Variants in ATG16L1 observed in about 807,000 individuals in gnomAD.
ATG16L1 encodes the protein autophagy related 16 like 1, also known as autophagy-related protein 16-1.
A neutral mutation model predicts 88.5 loss-of-function variants in ATG16L1; 37 were observed. The observed-to-expected ratio is 0.42, with a 90% confidence interval of 0.32 to 0.55. ATG16L1 has a LOEUF of 0.55. Ranked by LOEUF, ATG16L1 falls within the 20% of genes least tolerant of loss-of-function variation. The pLI is 0.13. For missense variants in ATG16L1, 554 were observed against 752.8 expected (o/e 0.74, Z 3.09); for synonymous variants, 301 against 281.0 (o/e 1.07, Z -0.71).
rs1172353382 is a variant in ATG16L1 at position 233,251,955 on chromosome 2, G to T, written c.115+13G>T. ...ATCATCCTGCAGTGTGAGCGGCGCC[G>T]GTGCGGGCTGGGAGTGGGGCGGGCG... On this transcript the variant is annotated intron_variant, in intron 1 of 17. Coordinates refer to ENST00000392017, the MANE Select transcript of ATG16L1 (RefSeq NM_030803.7). 11 of 1,532,934 alleles carry T rather than the reference G, an allele frequency of 7.2e-6. No individual in the cohort carries two copies. In the East Asian group the frequency reaches 2.8e-4, roughly 39 times the overall value. 95.0% of individuals were successfully genotyped at this position (1,532,934 alleles called of 1,614,324 possible). A position where few individuals can be genotyped will look rare whatever the true frequency, so the allele number is the denominator to read the frequency against.
At position 233,264,931 on chromosome 2, in the gene ATG16L1, G is replaced by C. The variant is rs762642617; in HGVS notation, c.429G>C (p.Thr143=). 6.2e-7 allele frequency: 1 copy of C among 1,614,044 alleles called. No homozygotes were observed. Among genetic ancestry groups the C allele is most frequent in the South Asian group, 1.1e-5 (1 of 91,080 alleles). ...ECLQTISDLE[T]ECLDLRTKLC... ...TGCAGACTATCTCTGACCTGGAGAC[G>C]GAGTGCCTAGACCTGCGCACTAAGC... The change falls in exon 5 of 18, where the codon ACG becomes ACC. Residue 143 remains threonine (T), a synonymous_variant. Transcript: ENST00000392017.
intron 12 of ATG16L1, among the ~76,000 whole-genome samples, chr2:233,285,654 G>A (rs1016408357): frequency 6.6e-6 from 1 of 152,210 alleles, no homozygotes; most frequent in African/African-American, 2.4e-5. Context: ...CAGATTCCCT[G>A]CACCCAGAGA....
Position 233,264,949 on chromosome 2 carries a change from C to T in ATG16L1, c.447C>T (p.Arg149=). ...TGGAGACGGAGTGCCTAGACCTGCG[C>T]ACTAAGCTTTGTGACCTTGAAAGAG... ...SDLETECLDL[R]TKLCDLERAN... is the part of the protein sequence containing the mutation. Residue 149 remains arginine (R), a synonymous_variant, in exon 5 of 18, where the codon CGC becomes CGT. Coordinates refer to ENST00000392017, the MANE Select transcript of ATG16L1 (RefSeq NM_030803.7). 26 of 1,614,092 alleles carry T rather than the reference C, an allele frequency of 1.6e-5. No individual in the cohort carries two copies. Among genetic ancestry groups the T allele is most frequent in the Non-Finnish European group, 2.2e-5 (26 of 1,179,960 alleles).
At chr2:233,282,657 G>C (rs772865346) in intron 11 of ATG16L1, 25 bp from the exon 12 acceptor site, 10 of 1,610,286 alleles carry the variant, frequency 6.2e-6, no homozygotes, top group Non-Finnish European at 8.5e-6. Flanking sequence ...CTAAAAATTG[G>C]TTTTCCTCTT....
At chr2:233,251,963 C>T in intron 1 of ATG16L1, 21 bp downstream of exon 1, 1 of 1,518,024 alleles carries the variant, frequency 6.6e-7, no homozygotes, top group East Asian at 2.6e-5. Context: ...CCGGTGCGGG[C>T]TGGGAGTGGG....
chr2:233,286,032 T>C (rs2125283666), intron 12 of ATG16L1, among the ~76,000 whole-genome samples: 1 of 152,266 alleles, frequency 6.6e-6, no homozygotes, highest in East Asian at 1.9e-4. Context: ...CTTGAGAAAC[T>C]TGCTTGAGAA....
At chr2:233,257,448 G>A (rs1696871475) in intron 2 of ATG16L1, among the ~76,000 whole-genome samples, 1 of 152,174 alleles carries the variant, frequency 6.6e-6, no homozygotes, top group African/African-American at 2.4e-5. Context: ...TCAATAAATT[G>A]CATGAGATAT....
chr2:233,277,075 G>A (rs1212736030), intron 9 of ATG16L1: 1 of 152,808 alleles, frequency 6.5e-6, no homozygotes, highest in African/African-American at 2.4e-5. Flanking sequence ...ACAGATTGAT[G>A]TTTTTGCCAT....
intron 16 of ATG16L1, 127 bp downstream of exon 16, chr2:233,292,561 T>TAA: frequency 8.8e-7 from 1 of 1,140,084 alleles, no homozygotes. Flanking sequence ...AGTGTGCCTG[T>TAA]AAGTTCATAA....
intron 2 of ATG16L1, among the ~76,000 whole-genome samples, chr2:233,261,364 C>T (rs566930709): frequency 5.4e-4 from 82 of 152,264 alleles, no homozygotes; most frequent in African/African-American, 1.9e-3. Context: ...GCCAGGGCAA[C>T]ATAGTGAGAT....
intron 5 of ATG16L1, among the ~76,000 whole-genome samples, chr2:233,265,607 T>C (rs1697511497): frequency 6.6e-6 from 1 of 152,102 alleles, no homozygotes; most frequent in South Asian, 2.1e-4. Context: ...GTAGCTGGGA[T>C]TACAGGCATA....
chr2:233,279,535 A>G (rs1406213942), intron 10 of ATG16L1, among the ~76,000 whole-genome samples: 3 of 152,224 alleles, frequency 2.0e-5, no homozygotes, highest in Admixed American at 6.5e-5. Flanking sequence ...GTTTCAGTCT[A>G]CAAGATTTTT....
At chr2:233,279,638 T>G (rs1223533905) in intron 10 of ATG16L1, among the ~76,000 whole-genome samples, 2 of 152,206 alleles carry the variant, frequency 1.3e-5, no homozygotes, top group African/African-American at 2.4e-5. Flanking sequence ...TTTTTCATCC[T>G]TTTAGATTAT....
At chr2:233,292,356 C>A (rs1699518279) in intron 15 of ATG16L1, 31 bp from the exon 16 acceptor site, 1 of 1,614,184 alleles carries the variant, frequency 6.2e-7, no homozygotes, top group East Asian at 2.2e-5. Flanking sequence ...CCTGAGCTCC[C>A]TCAGTGACAG....
At chr2:233,274,973 C>T (rs1403532287) in intron 9 of ATG16L1, among the ~76,000 whole-genome samples, 195 bp downstream of exon 9, 2 of 152,168 alleles carry the variant, frequency 1.3e-5, no homozygotes, top group Non-Finnish European at 2.9e-5. Flanking sequence ...TTGTTACAAC[C>T]ATCCTCTGTA....
chr2:233,266,246 C>T (rs1269580277), intron 5 of ATG16L1: 1 of 152,160 alleles, frequency 6.6e-6, no homozygotes, highest in Non-Finnish European at 1.5e-5. Context: ...TCGCTTGAAA[C>T]CAGGAGTTTC....
At chr2:233,281,007 C>A in intron 10 of ATG16L1, 98 bp from the exon 11 acceptor site, 1 of 684,692 alleles carries the variant, frequency 1.5e-6, no homozygotes. Context: ...ATTGTTTTAG[C>A]AGTGTAATTG....
rs997986739 is a variant in ATG16L1, at chr2:233,270,284, G to A, written c.707+217G>A. ...AAGAAAAATGTTAAAGGAAGAAAAT[G>A]AAAACATACAGTTCTTCCACCACTC... On this transcript the variant is annotated intron_variant, in intron 6 of 17. Coordinates refer to ENST00000392017, the MANE Select transcript of ATG16L1 (RefSeq NM_030803.7). 7.9e-5 allele frequency among the ~76,000 whole-genome samples: 12 copies of A among 152,054 alleles called. 1 individual carries two copies. Among genetic ancestry groups the A allele is most frequent in the Non-Finnish European group, 1.5e-5 (1 of 68,004 alleles).
At chr2:233,284,239 C>G (rs911504786) in intron 12 of ATG16L1, among the ~76,000 whole-genome samples, 9 of 152,050 alleles carry the variant, frequency 5.9e-5, no homozygotes, top group Non-Finnish European at 8.8e-5. Context: ...ACCTCTGCCT[C>G]CCAGGTTCAA....
Sources: allele counts gnomAD v4.1 joint callset (sites outside exome capture counted in the v4.1 genomes callset), GRCh38; gene constraint gnomAD v4.1.1; transcripts MANE v1.5; gene names NCBI Gene and HGNC (gene_info 2026-07-23, HGNC 2026-07-21).